SNTB1: variants seen among roughly 807,000 people sequenced by gnomAD.
SNTB1 encodes beta-1-syntrophin.
SNTB1 carries 36 observed loss-of-function variants against 48.9 expected under a neutral mutation model. That is an observed-to-expected ratio of 0.74 (90% CI 0.56 to 0.97). SNTB1 has a LOEUF of 0.97. Ranked by LOEUF, SNTB1 falls within the 50% of genes least tolerant of loss-of-function variation. The pLI, the probability that SNTB1 is intolerant of heterozygous loss-of-function variation, is 0.00. For synonymous variants in SNTB1, 299 were observed against 294.6 expected (o/e 1.01, Z -0.15); for missense variants, 786 against 703.4 (o/e 1.12, Z -1.33).
chr8:120,610,850 A>G (rs1390130453), intron 3 of SNTB1, among the ~76,000 whole-genome samples: 2 of 152,152 alleles, frequency 1.3e-5, no homozygotes, highest in Non-Finnish European at 2.9e-5. Context: ...GAGGCAATTA[A>G]CAACGGCCTA....
chr8:120,544,773 A>G (rs1053493348), intron 5 of SNTB1, among the ~76,000 whole-genome samples: 2 of 148,616 alleles, frequency 1.3e-5, no homozygotes, highest in African/African-American at 5.0e-5. Flanking sequence ...AGCTTCTTCC[A>G]ACTCTCAAAT....
chr8:120,637,255 T>C, intron 2 of SNTB1: 1 of 346,690 alleles, frequency 2.9e-6, no homozygotes, highest in East Asian at 8.2e-5. Flanking sequence ...TGGGAAAAAG[T>C]CTGCTGCTGA....
chr8:120,635,278 C>A (rs1386341823), intron 2 of SNTB1, among the ~76,000 whole-genome samples: 1 of 152,176 alleles, frequency 6.6e-6, no homozygotes, highest in Non-Finnish European at 1.5e-5. Context: ...AGTAAAGCTG[C>A]AGAGCAGAAT....
chr8:120,665,527 C>T (rs1055801173), intron 2 of SNTB1, among the ~76,000 whole-genome samples: 9 of 152,132 alleles, frequency 5.9e-5, no homozygotes, highest in Admixed American at 3.9e-4. Flanking sequence ...AATATGTTCT[C>T]CCAATCTTTG....
At chr8:120,606,334 AAT>A (rs1816518144) in intron 3 of SNTB1, among the ~76,000 whole-genome samples, 1 of 148,670 alleles carries the variant, frequency 6.7e-6, no homozygotes, top group African/African-American at 2.5e-5. Context: ...ATCCTGTATA[AAT>A]ATGATATACT....
chr8:120,752,757 A>T (rs35204989), intron 1 of SNTB1, among the ~76,000 whole-genome samples: 19,545 of 151,986 alleles, frequency 0.13, 1,611 homozygotes, highest in African/African-American at 0.23. Context: ...CACTTATAAG[A>T]GGGAGCTAAA....
At chr8:120,655,866 A>T (rs1400545910) in intron 2 of SNTB1, among the ~76,000 whole-genome samples, 1 of 152,052 alleles carries the variant, frequency 6.6e-6, no homozygotes. Flanking sequence ...ACATGCATAG[A>T]CTCCATCATC....
At chr8:120,709,211 A>G (rs1424434376) in intron 1 of SNTB1, among the ~76,000 whole-genome samples, 1 of 152,174 alleles carries the variant, frequency 6.6e-6, no homozygotes, top group Non-Finnish European at 1.5e-5. Context: ...TAATTTTCTG[A>G]GTAGTTGTTA....
intron 3 of SNTB1, among the ~76,000 whole-genome samples, chr8:120,623,131 C>T (rs140204477): frequency 3.3e-5 from 5 of 152,220 alleles, no homozygotes; most frequent in Non-Finnish European, 5.9e-5. Context: ...GCTTCACTCA[C>T]TTCCTTACAG....
At position 120,811,456 on chromosome 8, in the gene SNTB1, C is replaced by CCCCCTTGATGCTGAT; in HGVS notation, c.373_387dup (p.Ile125_Gly129dup). 4.3e-6 allele frequency: 7 copies of CCCCCTTGATGCTGAT among 1,614,016 alleles called. No individual in the cohort carries two copies. The highest frequency in any genetic ancestry group is 5.9e-6 in the Non-Finnish European group (7 of 1,179,918). On this transcript the variant is annotated inframe_insertion, in exon 1 of 7. Transcript: ENST00000517992. ...AGGATGGGCATCTTGTTCTCCTTGC[C>CCCCCTTGATGCTGAT]CCCCTTGATGCTGATCCCCAGCCCG...
chr8:120,781,347 T>C (rs1363573164), intron 1 of SNTB1, among the ~76,000 whole-genome samples: 3 of 152,192 alleles, frequency 2.0e-5, no homozygotes, highest in Non-Finnish European at 2.9e-5. Flanking sequence ...GTGCTTTGCA[T>C]TATAAGACAT....
intron 1 of SNTB1, among the ~76,000 whole-genome samples, chr8:120,794,905 A>G (rs1820096625): frequency 6.6e-6 from 1 of 151,948 alleles, no homozygotes; most frequent in Admixed American, 6.6e-5. Context: ...CCATTTTAAA[A>G]CCATCTACTT....
chr8:120,688,739 G>A (rs1818075594), intron 2 of SNTB1, among the ~76,000 whole-genome samples: 1 of 152,188 alleles, frequency 6.6e-6, no homozygotes, highest in Non-Finnish European at 1.5e-5. Context: ...AAACGATGAG[G>A]TAAAGAGGAG....
At chr8:120,767,970 C>A (rs1046097144) in intron 1 of SNTB1, among the ~76,000 whole-genome samples, 1 of 152,190 alleles carries the variant, frequency 6.6e-6, no homozygotes. Context: ...CAGGGATTAT[C>A]CAGGGAAGAT....
chr8:120,538,305 A>AT lies in SNTB1; in HGVS notation c.*571dup. The AT allele has an allele frequency of 1.3e-5, 3 of 228,226 alleles. No homozygotes were observed. The East Asian group carries it at 2.6e-4, about 20-fold the overall frequency. 14.1% of individuals were successfully genotyped at this position (228,226 alleles called of 1,614,324 possible). On this transcript the variant is annotated 3_prime_UTR_variant, in exon 7 of 7. Transcript: ENST00000517992. ...AATCATTCTACACCATTGAAAGATA[A>AT]TTCATTTTTTAAAAAGTAACAGCTG...
intron 1 of SNTB1, among the ~76,000 whole-genome samples, chr8:120,759,481 TA>T (rs1299578707): frequency 6.6e-6 from 1 of 152,036 alleles, no homozygotes; most frequent in Non-Finnish European, 1.5e-5. Flanking sequence ...AACTGAAGAA[TA>T]AAAAAAATCA....
At chr8:120,754,354 C>G (rs73323165) in intron 1 of SNTB1, among the ~76,000 whole-genome samples, 1 of 151,954 alleles carries the variant, frequency 6.6e-6, no homozygotes, top group Non-Finnish European at 1.5e-5. Context: ...AAAACATTAG[C>G]TGGGTGTGGT....
chr8:120,644,625 G>A (rs1432179779), intron 2 of SNTB1, among the ~76,000 whole-genome samples: 7 of 151,964 alleles, frequency 4.6e-5, no homozygotes, highest in Non-Finnish European at 8.8e-5. Flanking sequence ...ATAAACATGC[G>A]TGTGCATGTG....
At chr8:120,661,210 GTA>G (rs1817582416) in intron 2 of SNTB1, among the ~76,000 whole-genome samples, 1 of 151,080 alleles carries the variant, frequency 6.6e-6, no homozygotes, top group Non-Finnish European at 1.5e-5. Context: ...AAAAAAAAGA[GTA>G]TGTGCAAAGT....
Sources: gnomAD v4.1 joint callset for allele counts (sites outside exome capture counted in the v4.1 genomes callset) on GRCh38, gnomAD v4.1.1 for gene constraint, MANE v1.5 for transcripts, NCBI Gene and HGNC (gene_info 2026-07-23, HGNC 2026-07-21) for gene names.